The following PTPRT variants were observed in gnomAD, a reference collection of about 807,000 sequenced individuals.
PTPRT encodes the protein receptor-type tyrosine-protein phosphatase T.
Under a neutral mutation model 176.8 loss-of-function variants are expected in PTPRT, and 56 were observed. That is an observed-to-expected ratio of 0.32 (90% CI 0.26 to 0.40). The LOEUF is 0.40. Ranked by LOEUF, PTPRT falls within the 10% of genes least tolerant of loss-of-function variation. PTPRT has a pLI of 1.00. For synonymous variants in PTPRT, 783 were observed against 739.0 expected (o/e 1.06, Z -0.96); for missense variants, 1,540 against 1,908.2 (o/e 0.81, Z 3.60).
intron 12 of PTPRT, among the ~76,000 whole-genome samples, chr20:42,300,732 C>G (rs2057453809): frequency 6.7e-6 from 1 of 150,052 alleles, no homozygotes; most frequent in African/African-American, 2.5e-5. Flanking sequence ...AGAAAATTGT[C>G]ATTTGGCAAA....
At chr20:42,792,113 T>G (rs55840688) in intron 2 of PTPRT, among the ~76,000 whole-genome samples, 3,999 of 152,264 alleles carry the variant, frequency 0.026, 70 homozygotes, top group Middle Eastern at 0.092. Flanking sequence ...CCCTTTCAGC[T>G]TGGGATCAAG....
chr20:42,485,145 G>T (rs371744377), intron 7 of PTPRT, among the ~76,000 whole-genome samples: 1 of 152,190 alleles, frequency 6.6e-6, no homozygotes, highest in Non-Finnish European at 1.5e-5. Flanking sequence ...AGGAAATCGG[G>T]TTGGGAAAAG....
intron 9 of PTPRT, among the ~76,000 whole-genome samples, chr20:42,363,269 A>ATTTT (rs1175425827): frequency 3.9e-5 from 2 of 51,292 alleles, no homozygotes; most frequent in African/African-American, 6.1e-5. Flanking sequence ...ATTTATTACA[A>ATTTT]TTATATATAT....
intron 7 of PTPRT, among the ~76,000 whole-genome samples, chr20:42,507,514 T>C (rs1311627052): frequency 6.6e-6 from 1 of 152,128 alleles, no homozygotes; most frequent in Non-Finnish European, 1.5e-5. Flanking sequence ...CACGCCAATG[T>C]ATTTAGCATC....
chr20:42,241,527 G>T (rs546821503), intron 14 of PTPRT, among the ~76,000 whole-genome samples: 1 of 152,076 alleles, frequency 6.6e-6, no homozygotes, highest in Middle Eastern at 3.2e-3. Context: ...AAAGTCAAAG[G>T]CAGAGTGAAT....
chr20:42,750,377 C>T (rs2076753500), intron 6 of PTPRT, among the ~76,000 whole-genome samples: 2 of 151,902 alleles, frequency 1.3e-5, no homozygotes, highest in South Asian at 2.1e-4. Flanking sequence ...TATTTTCTCC[C>T]TCTCATAGGA....
chr20:42,138,886 A>C (rs1032300278), intron 18 of PTPRT, among the ~76,000 whole-genome samples: 1 of 151,864 alleles, frequency 6.6e-6, no homozygotes, highest in African/African-American at 2.4e-5. Context: ...GTCCCCTTTA[A>C]TCTTTTCTGT....
At chr20:42,316,087 T>C in intron 11 of PTPRT, 91 bp from the exon 12 acceptor site, 3 of 1,408,152 alleles carry the variant, frequency 2.1e-6, no homozygotes, top group Non-Finnish European at 2.9e-6. Context: ...ACTTCTCCTA[T>C]GTGGAAGCAT....
chr20:42,657,777 C>T (rs891115687), intron 7 of PTPRT, among the ~76,000 whole-genome samples: 1 of 152,104 alleles, frequency 6.6e-6, no homozygotes, highest in Non-Finnish European at 1.5e-5. Context: ...GGAAAAAAAG[C>T]TAGTTTTGCT....
chr20:42,551,301 T>A (rs2072765738), intron 7 of PTPRT, among the ~76,000 whole-genome samples: 1 of 152,108 alleles, frequency 6.6e-6, no homozygotes, highest in Non-Finnish European at 1.5e-5. Context: ...TTCATACACT[T>A]CCCCGTGGGC....
At chr20:42,357,397 G>A (rs1436266687) in intron 9 of PTPRT, among the ~76,000 whole-genome samples, 1 of 152,222 alleles carries the variant, frequency 6.6e-6, no homozygotes, top group African/African-American at 2.4e-5. Context: ...TCTGGTGTTT[G>A]TTCAACATTT....
chr20:42,275,803 A>G (rs1048252731), intron 13 of PTPRT, among the ~76,000 whole-genome samples: 1 of 152,202 alleles, frequency 6.6e-6, no homozygotes, highest in Non-Finnish European at 1.5e-5. Context: ...GAAGACAGTC[A>G]GTGAGAGCAA....
chr20:43,187,466 G>C (rs1399720378), intron 1 of PTPRT, among the ~76,000 whole-genome samples: 1 of 151,572 alleles, frequency 6.6e-6, no homozygotes, highest in African/African-American at 2.4e-5. Context: ...TGTTCATGAG[G>C]AACCCTGGGG....
At chr20:42,533,910 A>G (rs759168068) in intron 7 of PTPRT, among the ~76,000 whole-genome samples, 16 of 152,190 alleles carry the variant, frequency 1.1e-4, no homozygotes, top group South Asian at 2.1e-4. Flanking sequence ...GGTGTCCAGT[A>G]AGCAGGCTTC....
intron 9 of PTPRT, among the ~76,000 whole-genome samples, chr20:42,363,921 G>A (rs2058477874): frequency 6.6e-6 from 1 of 152,132 alleles, no homozygotes; most frequent in South Asian, 2.1e-4. Flanking sequence ...CAGGGCCTGG[G>A]AGACCAAAAA....
intron 2 of PTPRT, among the ~76,000 whole-genome samples, chr20:42,803,555 T>C (rs1390163536): frequency 1.3e-5 from 2 of 152,156 alleles, no homozygotes; most frequent in Non-Finnish European, 2.9e-5. Context: ...TAATTATTTA[T>C]TATTTATTTA....
At chr20:42,354,767 T>C (rs1386488292) in intron 9 of PTPRT, among the ~76,000 whole-genome samples, 1 of 152,198 alleles carries the variant, frequency 6.6e-6, no homozygotes, top group Non-Finnish European at 1.5e-5. Context: ...AATAAGCAAT[T>C]TGCTGTTACT....
chr20:42,567,760 A>C (rs867224802), intron 7 of PTPRT, among the ~76,000 whole-genome samples: 2 of 152,224 alleles, frequency 1.3e-5, no homozygotes, highest in Non-Finnish European at 1.5e-5. Context: ...AATCAGTTGC[A>C]AAGTATTTAT....
intron 1 of PTPRT, among the ~76,000 whole-genome samples, chr20:43,106,326 G>A (rs1277172768): frequency 6.6e-6 from 1 of 151,828 alleles, no homozygotes; most frequent in Non-Finnish European, 1.5e-5. Flanking sequence ...AAAGTAAAGG[G>A]TTAATGCTCC....
Sources: gnomAD v4.1 joint callset for allele counts (sites outside exome capture counted in the v4.1 genomes callset) on GRCh38, gnomAD v4.1.1 for gene constraint, MANE v1.5 for transcripts, NCBI Gene and HGNC (gene_info 2026-07-23, HGNC 2026-07-21) for gene names.